TMEM178B: variants seen among roughly 807,000 people sequenced by gnomAD.
TMEM178B encodes the protein transmembrane protein 178B.
A neutral mutation model predicts 31.0 loss-of-function variants in TMEM178B; 5 were observed. The ratio of observed to expected loss-of-function variants is 0.16; its 90% CI spans 0.08 to 0.34. The LOEUF (loss-of-function observed/expected upper bound fraction) is 0.34. TMEM178B is among the 10% of genes least tolerant of loss of function. The probability of loss-of-function intolerance (pLI) is 1.00; values close to 1 mark genes in which losing one functional copy is unlikely to be tolerated. For synonymous variants in TMEM178B, 164 were observed against 164.0 expected, an observed-to-expected ratio of 1.00 and a Z score of 0.00; for missense variants, 275 against 400.3, an observed-to-expected ratio of 0.69 and a Z score of 2.67.
chr7:141,423,809 T>G (rs1801261124), intron 2 of TMEM178B, among the ~76,000 whole-genome samples: 1 of 147,618 alleles, frequency 6.8e-6, no homozygotes, highest in African/African-American at 2.5e-5. Flanking sequence ...ATTTGTGTTT[T>G]TTTTTTTTTT....
chr7:141,459,567 C>T (rs542092938), intron 3 of TMEM178B, among the ~76,000 whole-genome samples: 1 of 152,262 alleles, frequency 6.6e-6, no homozygotes, highest in Non-Finnish European at 1.5e-5. Flanking sequence ...TGGATAATCT[C>T]GTGCTAGGCA....
At chr7:141,181,082 A>G (rs1261724139) in intron 1 of TMEM178B, among the ~76,000 whole-genome samples, 1 of 152,218 alleles carries the variant, frequency 6.6e-6, no homozygotes, top group Non-Finnish European at 1.5e-5. Context: ...GTAGCATGGT[A>G]AGGATTCAAA....
intron 1 of TMEM178B, among the ~76,000 whole-genome samples, chr7:141,126,070 C>T (rs1024366666): frequency 2.6e-5 from 4 of 152,092 alleles, no homozygotes; most frequent in African/African-American, 7.2e-5. Flanking sequence ...AGTTACCAAG[C>T]GATGACCAGA....
At chr7:141,500,685 T>G in the TMEM178B span, among the ~76,000 whole-genome samples, 3 of 152,184 alleles carry the variant, frequency 2.0e-5, no homozygotes, top group African/African-American at 7.2e-5. Flanking sequence ...CTGCTAGAAT[T>G]CAGCTGGCCA....
intron 1 of TMEM178B, among the ~76,000 whole-genome samples, chr7:141,181,821 G>A (rs2129183988): frequency 6.6e-6 from 1 of 152,254 alleles, no homozygotes; most frequent in East Asian, 1.9e-4. Flanking sequence ...TGCTGATCCT[G>A]TTCAGGATCC....
In TMEM178B at chr7:141,344,965, A is replaced by G. The variant is rs1368791653; in HGVS notation, c.497-92643A>G. Among the ~76,000 whole-genome samples the G allele has an allele frequency of 6.6e-6, 1 of 152,230 alleles. No individual in the cohort carries two copies. The highest frequency in any genetic ancestry group is 6.5e-5 in the Admixed American group (1 of 15,284). On this transcript the variant is annotated intron_variant, in intron 2 of 3. Coordinates refer to ENST00000565468, the MANE Select transcript of TMEM178B (RefSeq NM_001195278.2). The surrounding 1 kb of genome is among the most constrained non-coding windows in gnomAD (Gnocchi z 4.1). ...TTATTTAATTACTAAGCATGAGTTA[A>G]TAGCTAACAAGATGTAGTAAAGAAA...
chr7:141,310,579 C>T (rs1357295844), intron 2 of TMEM178B, among the ~76,000 whole-genome samples: 2 of 152,102 alleles, frequency 1.3e-5, no homozygotes, highest in African/African-American at 4.8e-5. Context: ...CTCCCCTTGT[C>T]CCCCACCCTT....
At chr7:141,359,094 C>G (rs535086098) in intron 2 of TMEM178B, among the ~76,000 whole-genome samples, 1 of 152,170 alleles carries the variant, frequency 6.6e-6, no homozygotes, top group South Asian at 2.1e-4. Context: ...TGAACTAGCC[C>G]CAAGAAATTC....
rs552372738 is a variant in TMEM178B at position 141,295,889 on chromosome 7, T to C, written c.496+83185T>C. On this transcript the variant is annotated intron_variant, in intron 2 of 3. Transcript: ENST00000565468. ...TGAAGACGGCCCAGCCACAGCCCTG[T>C]TCCCATTAACCTCCCAATGCTAATG... 8.5e-4 allele frequency among the ~76,000 whole-genome samples: 129 copies of C among 152,280 alleles called. 2 individuals carry two copies. Among genetic ancestry groups the C allele is most frequent in the African/African-American group, 2.8e-3 (117 of 41,554 alleles).
In TMEM178B at chr7:141,471,318, A is replaced by G. The variant is rs1802237978; in HGVS notation, c.*532A>G. ...CAACACACAAGGAGTGGAAGAGAAAACAAACTGAGAAGGACGTTTTCTCTT... is the reference window on the plus strand; with the variant it reads ...CAACACACAAGGAGTGGAAGAGAAAGCAAACTGAGAAGGACGTTTTCTCTT... On this transcript the variant is annotated 3_prime_UTR_variant, in exon 4 of 4. Transcript: ENST00000565468. This position sits in a 1 kb window ranked among gnomAD's most constrained non-coding sequence, Gnocchi z 4.1. The G allele has an allele frequency of 6.6e-6, 1 of 152,160 alleles. No homozygotes were observed. The highest frequency in any genetic ancestry group is 2.4e-5 in the African/African-American group (1 of 41,424). The allele number at this position is 152,160 out of a possible 1,614,324, so 9.4% of individuals were successfully genotyped here.
chr7:141,428,138 A>C (rs1435174280), intron 2 of TMEM178B, among the ~76,000 whole-genome samples: 4 of 152,074 alleles, frequency 2.6e-5, no homozygotes, highest in Non-Finnish European at 5.9e-5. Flanking sequence ...TGCCAGGGAA[A>C]GACAGTCTCC....
chr7:141,212,448 T>C, intron 1 of TMEM178B, 143 bp from the exon 2 acceptor site: 1 of 644,600 alleles, frequency 1.6e-6, no homozygotes, highest in Admixed American at 2.6e-5. Flanking sequence ...TCTTTTTGAG[T>C]TGAAGGTATT....
chr7:141,382,242 A>G (rs533826413), intron 2 of TMEM178B, among the ~76,000 whole-genome samples: 1 of 151,834 alleles, frequency 6.6e-6, no homozygotes, highest in Non-Finnish European at 1.5e-5. Context: ...CAATATCCAG[A>G]CTCCTCATTA....
intron 2 of TMEM178B, among the ~76,000 whole-genome samples, chr7:141,345,544 G>T (rs1045668896): frequency 1.3e-5 from 2 of 152,218 alleles, no homozygotes; most frequent in Non-Finnish European, 2.9e-5. Context: ...AAGCTGTGTT[G>T]TGTGCCTCAG....
intron 1 of TMEM178B, among the ~76,000 whole-genome samples, chr7:141,145,488 A>T (rs913118874): frequency 2.0e-5 from 3 of 152,212 alleles, no homozygotes; most frequent in South Asian, 2.1e-4. Context: ...AGGAACAGAA[A>T]GATGGCCTTT....
intron 2 of TMEM178B, among the ~76,000 whole-genome samples, chr7:141,405,079 T>C (rs1353024610): frequency 6.6e-6 from 1 of 152,264 alleles, no homozygotes; most frequent in East Asian, 1.9e-4. Flanking sequence ...GTGGAGCTGT[T>C]TCATGCTAAT....
intron 3 of TMEM178B, among the ~76,000 whole-genome samples, chr7:141,469,368 C>T (rs1228976600): frequency 6.6e-6 from 1 of 152,138 alleles, no homozygotes; most frequent in Non-Finnish European, 1.5e-5. Flanking sequence ...GCTGGTGAGC[C>T]TCATTCTTCC....
chr7:141,292,934 G>A (rs777997260), intron 2 of TMEM178B, among the ~76,000 whole-genome samples: 1 of 151,982 alleles, frequency 6.6e-6, no homozygotes. Flanking sequence ...CACCGCACCC[G>A]GCCAGATCTT....
chr7:141,152,295 G>C (rs1465577770), intron 1 of TMEM178B, among the ~76,000 whole-genome samples: 1 of 152,176 alleles, frequency 6.6e-6, no homozygotes, highest in Admixed American at 6.5e-5. Context: ...CCCAGCGTGG[G>C]TTGCTCTCTG....
Sources: allele counts gnomAD v4.1 joint callset (sites outside exome capture counted in the v4.1 genomes callset), GRCh38; gene constraint gnomAD v4.1.1; non-coding constraint Gnocchi (gnomAD v3.1); transcripts MANE v1.5; gene names NCBI Gene and HGNC (gene_info 2026-07-23, HGNC 2026-07-21).